SVEP1: variants seen among roughly 807,000 people sequenced by gnomAD.
The protein encoded by SVEP1 is sushi, von Willebrand factor type A, EGF and pentraxin domain-containing protein 1.
A neutral mutation model predicts 367.3 loss-of-function variants in SVEP1; 164 were observed. The ratio of observed to expected loss-of-function variants is 0.45; its 90% CI spans 0.39 to 0.51. SVEP1 has a LOEUF of 0.51. SVEP1 is among the 20% of genes least tolerant of loss of function. SVEP1 has a pLI of 0.00. For synonymous variants in SVEP1, 1,666 were observed against 1,611.6 expected (o/e 1.03, Z -0.81); for missense variants, 4,117 against 4,425.3 (o/e 0.93, Z 1.98).
At position 110,450,057 on chromosome 9, in the gene SVEP1, A is replaced by G; in HGVS notation, c.4103+2T>C. 1 of 1,613,830 alleles carries G rather than the reference A, an allele frequency of 6.2e-7. No individual in the cohort carries two copies. Among genetic ancestry groups the G allele is most frequent in the Non-Finnish European group, 8.5e-7 (1 of 1,179,750 alleles). On this transcript the variant is annotated splice_donor_variant, in intron 24 of 47. Coordinates refer to ENST00000374469, the MANE Select transcript of SVEP1 (RefSeq NM_153366.4). LOFTEE classifies it high-confidence loss of function. ...TGAAAAGAATCAGACTTAGCCTTTT[A>G]CCTGAAGCTATTGGCACCGTCTTTA...
In SVEP1 at chr9:110,499,389, A is replaced by G. The variant is rs183243070; in HGVS notation, c.1484-151T>C. Reference sequence around the variant, plus strand: ...CTATATATGACATTGAATGTATAATATATTGTAAATAATGCTAACCTATAC... The same window carrying G: ...CTATATATGACATTGAATGTATAATGTATTGTAAATAATGCTAACCTATAC... On this transcript the variant is annotated intron_variant, in intron 6 of 47. Coordinates refer to ENST00000374469, the MANE Select transcript of SVEP1 (RefSeq NM_153366.4). Among the ~76,000 whole-genome samples the G allele has an allele frequency of 2.6e-4, 40 of 152,352 alleles. 1 individual carries two copies. The East Asian group carries it at 6.6e-3, about 25-fold the overall frequency.
At chr9:110,397,104 G>T (rs1322077152) in intron 40 of SVEP1, among the ~76,000 whole-genome samples, 1 of 152,102 alleles carries the variant, frequency 6.6e-6, no homozygotes, top group Non-Finnish European at 1.5e-5. Context: ...GTAAAATACT[G>T]GCAAACCGAA....
In SVEP1 at chr9:110,404,452, A is replaced by AT; in HGVS notation, c.9540dup (p.Cys3181MetfsTer21). The AT allele has an allele frequency of 6.2e-7, 1 of 1,613,984 alleles. No individual in the cohort carries two copies. Among genetic ancestry groups the AT allele is most frequent in the Non-Finnish European group, 8.5e-7 (1 of 1,179,888 alleles). Reference sequence around the variant, plus strand: ...TGTGTTATGTTTTCCGGGAGAGGACATTTTTTAGGACTGCAGGAGATTCTC... The same window carrying AT: ...TGTGTTATGTTTTCCGGGAGAGGACATTTTTTTAGGACTGCAGGAGATTCTC... On this transcript the variant is annotated frameshift_variant, in exon 39 of 48. Transcript: ENST00000374469. LOFTEE classifies it high-confidence loss of function.
chr9:110,556,013 A>G (rs1480229004), intron 1 of SVEP1, among the ~76,000 whole-genome samples: 1 of 152,180 alleles, frequency 6.6e-6, no homozygotes, highest in Non-Finnish European at 1.5e-5. Context: ...CATTTAAGAA[A>G]CAGAATTTTT....
intron 3 of SVEP1, among the ~76,000 whole-genome samples, chr9:110,542,929 C>T (rs1235287727): frequency 2.0e-5 from 3 of 147,902 alleles, no homozygotes; most frequent in Admixed American, 6.8e-5. Flanking sequence ...CAAACCTGCA[C>T]GTTGTGCACA....
chr9:110,436,214 A>T (rs1828428462), intron 28 of SVEP1, among the ~76,000 whole-genome samples, 166 bp downstream of exon 28: 1 of 152,162 alleles, frequency 6.6e-6, no homozygotes. Context: ...AAATTACTGT[A>T]ACTTCTGCCT....
At position 110,406,285 on chromosome 9, in the gene SVEP1, T is replaced by C; in HGVS notation, c.9315A>G (p.Thr3105=). 3 of 1,614,070 alleles carry C rather than the reference T, an allele frequency of 1.9e-6. No individual in the cohort carries two copies. The highest frequency in any genetic ancestry group is 1.3e-5 in the African/African-American group (1 of 75,070). Residue 3105 remains threonine, a synonymous_variant, in exon 38 of 48, where the codon ACA becomes ACG. Coordinates refer to ENST00000374469, the MANE Select transcript of SVEP1 (RefSeq NM_153366.4). The stretch of plus-strand genomic sequence containing the variant: ...AAGGCTGGCTCCATACCCCTTTCTC[T>C]GTACAAATCAGATCTGAACTGCCTT... ...VIQGSSDLIC[T]EKGVWSQPYP...
rs1366270126 is a variant in SVEP1, at chr9:110,386,044, G to A, written c.10091C>T (p.Pro3364Leu). ...PNPCPVPFVI[P>L]ENALLSEKEF... ...CTTTTCAGACAGCAGAGCATTCTCG[G>A]GAATCACAAAAGGAACAGGGCATGG... Residue 3364 changes from proline (P) to leucine (L), a missense_variant, in exon 43 of 48, where the codon CCC becomes CTC. Pro to Leu is a moderately conservative substitution (Grantham distance 98, BLOSUM62 -3). This residue lies in a region of SVEP1 where 1,765 missense variants were observed against 1,781.1 expected (regional missense o/e 0.99). Transcript: ENST00000374469. The A allele has an allele frequency of 6.2e-7, 1 of 1,612,934 alleles. No homozygotes were observed. Among genetic ancestry groups the A allele is most frequent in the Non-Finnish European group, 8.5e-7 (1 of 1,179,486 alleles).
At chr9:110,461,296 C>A (rs2077852719) in intron 18 of SVEP1, among the ~76,000 whole-genome samples, 4 of 152,116 alleles carry the variant, frequency 2.6e-5, no homozygotes, top group Admixed American at 2.6e-4. Context: ...AGTATGAATT[C>A]AGGTTGGGTA....
At chr9:110,461,675 A>G (rs1828860597) in intron 18 of SVEP1, among the ~76,000 whole-genome samples, 1 of 152,218 alleles carries the variant, frequency 6.6e-6, no homozygotes, top group South Asian at 2.1e-4. Context: ...ATTTTTTGCT[A>G]AAGAGCTCTT....
chr9:110,517,226 G>GAGGC (rs771710246), intron 3 of SVEP1, among the ~76,000 whole-genome samples: 6 of 152,114 alleles, frequency 3.9e-5, no homozygotes, highest in Non-Finnish European at 7.4e-5. Flanking sequence ...TTGGGAGGCT[G>GAGGC]AGGCAGGAGG....
chr9:110,371,726 T>C (rs990678699), intron 46 of SVEP1, among the ~76,000 whole-genome samples: 2 of 152,242 alleles, frequency 1.3e-5, no homozygotes, highest in Admixed American at 6.5e-5. Context: ...CCAAGTAGTA[T>C]TTGGCTCCTC....
At chr9:110,509,367 G>C (rs951449483) in intron 5 of SVEP1, among the ~76,000 whole-genome samples, 4 of 152,234 alleles carry the variant, frequency 2.6e-5, no homozygotes, top group Admixed American at 6.5e-5. Flanking sequence ...AAGGGCCTGG[G>C]TAAGTACCTT....
chr9:110,486,068 T>G (rs951193029), intron 9 of SVEP1, among the ~76,000 whole-genome samples: 1 of 152,210 alleles, frequency 6.6e-6, no homozygotes, highest in African/African-American at 2.4e-5. Flanking sequence ...TGTTTGGATC[T>G]CCACTAGATA....
chr9:110,514,460 C>T (rs1177726634), intron 3 of SVEP1, among the ~76,000 whole-genome samples: 3 of 148,440 alleles, frequency 2.0e-5, no homozygotes, highest in Non-Finnish European at 3.0e-5. Flanking sequence ...TTGCGGTGAG[C>T]TGAGATAGCA....
intron 9 of SVEP1, among the ~76,000 whole-genome samples, chr9:110,488,536 G>T (rs1225335272): frequency 2.0e-5 from 3 of 152,074 alleles, no homozygotes; most frequent in Non-Finnish European, 4.4e-5. Flanking sequence ...CTAAGGGAAG[G>T]AAAAAGTTTT....
chr9:110,410,750 C>T (rs1378189802), intron 37 of SVEP1, among the ~76,000 whole-genome samples: 2 of 152,146 alleles, frequency 1.3e-5, no homozygotes, highest in African/African-American at 2.4e-5. Flanking sequence ...CATTGCCCCG[C>T]TTCTGAATAG....
rs1830670281 is a variant in SVEP1, at chr9:110,579,621, C to T, written c.-78G>A. 6 of 1,434,796 alleles carry T rather than the reference C, an allele frequency of 4.2e-6. No homozygotes were observed. The highest frequency in any genetic ancestry group is 5.4e-6 in the Non-Finnish European group (6 of 1,101,314). 88.9% of individuals were successfully genotyped at this position (1,434,796 alleles called of 1,614,324 possible). On this transcript the variant is annotated 5_prime_UTR_variant, in exon 1 of 48. Coordinates refer to ENST00000374469, the MANE Select transcript of SVEP1 (RefSeq NM_153366.4). This position sits in a 1 kb window ranked among gnomAD's most constrained non-coding sequence, Gnocchi z 5.3. ...AAGAGGCGCTGGGCGGCCGGACTCG[C>T]AGAGGGGCGTGCGCGGAGCTGGGCG...
Position 110,411,401 on chromosome 9 carries a change from C to G in SVEP1, c.6310G>C (p.Ala2104Pro). The G allele has an allele frequency of 1.2e-6, 2 of 1,614,032 alleles. No individual in the cohort carries two copies. The highest frequency in any genetic ancestry group is 8.5e-7 in the Non-Finnish European group (1 of 1,179,894). ...CATTTAAAGCTCACAACTGAGCCAG[C>G]TGCAAATTTTGCTTTGCTCACAGAT... ...LESVSKAKFA[A>P]GSVVSFKCME... The change falls in exon 37 of 48, where the codon GCT becomes CCT. Residue 2104 changes from alanine to proline, a missense_variant. Physicochemically the swap from Ala to Pro is conservative, Grantham distance 27 (BLOSUM62 -1). Coordinates refer to ENST00000374469, the MANE Select transcript of SVEP1 (RefSeq NM_153366.4).
Sources: allele counts gnomAD v4.1 joint callset (sites outside exome capture counted in the v4.1 genomes callset), GRCh38; gene constraint gnomAD v4.1.1; regional missense constraint gnomAD v4.1.1; non-coding constraint Gnocchi (gnomAD v3.1); transcripts MANE v1.5; gene names NCBI Gene and HGNC (gene_info 2026-07-23, HGNC 2026-07-21).